The following TIMM50 variants were observed in gnomAD, a reference collection of about 807,000 sequenced individuals.
The protein encoded by TIMM50 is mitochondrial import inner membrane translocase subunit TIM50.
TIMM50 carries 34 observed loss-of-function variants against 49.6 expected under a neutral mutation model. The ratio of observed to expected loss-of-function variants is 0.69; its 90% CI spans 0.52 to 0.91. The LOEUF is 0.91. Among genes scored for constraint, TIMM50 ranks in the 40% least tolerant of loss-of-function variants. The pLI is 0.00. For synonymous variants in TIMM50, 199 were observed against 198.4 expected (o/e 1.00, Z -0.03); for missense variants, 458 against 477.8 (o/e 0.96, Z 0.39).
chr19:39,481,614 G>A (rs2079472462), intron 1 of TIMM50, among the ~76,000 whole-genome samples: 1 of 152,068 alleles, frequency 6.6e-6, no homozygotes, highest in South Asian at 2.1e-4. Context: ...TTGCTTTTCT[G>A]GGCTGCAGAC....
At chr19:39,488,709 C>T in intron 10 of TIMM50, 64 bp downstream of exon 10, 1 of 1,310,990 alleles carries the variant, frequency 7.6e-7, no homozygotes, top group Admixed American at 1.7e-5. Context: ...GAGCCTGGGG[C>T]AGTCCATCTC....
At chr19:39,481,034 G>A (rs1447839041) in intron 1 of TIMM50, 73 bp downstream of exon 1, 48 of 1,459,372 alleles carry the variant, frequency 3.3e-5, no homozygotes, top group Non-Finnish European at 4.3e-5. Context: ...GCCGCCCCTT[G>A]GGGGTTCCGG....
chr19:39,481,768 G>C, intron 1 of TIMM50, 115 bp from the exon 2 acceptor site: 2 of 1,349,348 alleles, frequency 1.5e-6, no homozygotes. Context: ...CAGATGTCCA[G>C]GGCTCTGTGG....
Position 39,489,713 on chromosome 19 carries a change from C to T in TIMM50, c.961-6C>T, listed in dbSNP as rs1304680253. The stretch of plus-strand genomic sequence containing the variant: ...ACCCTCTCCTCCAACTGTCCCCCTA[C>T]CCCAGGAGGAGCAGCAGCGCCTGGC... On this transcript the variant is annotated splice_polypyrimidine_tract_variant and splice_region_variant and intron_variant, in intron 10 of 10. Transcript: ENST00000607714. 2 of 1,602,236 alleles carry T rather than the reference C, an allele frequency of 1.2e-6. No homozygotes were observed. Among genetic ancestry groups the T allele is most frequent in the South Asian group, 1.1e-5 (1 of 88,618 alleles).
Position 39,486,503 on chromosome 19 carries a change from G to A in TIMM50, c.696+8G>A. The A allele has an allele frequency of 6.2e-7, 1 of 1,613,578 alleles. No individual in the cohort carries two copies. Among genetic ancestry groups the A allele is most frequent in the Non-Finnish European group, 8.5e-7 (1 of 1,179,546 alleles). ...GATGGACACCATGTAAAGGTGCCGT[G>A]GGTTCATGGGTGGGCCTCTGGGATT... On this transcript the variant is annotated splice_region_variant and intron_variant, in intron 8 of 10. Transcript: ENST00000607714.
chr19:39,486,243 G>C lies in TIMM50; in HGVS notation c.549G>C (p.Gln183His). 6.2e-7 allele frequency: 1 copy of C among 1,614,172 alleles called. No homozygotes were observed. Among genetic ancestry groups the C allele is most frequent in the Non-Finnish European group, 8.5e-7 (1 of 1,180,038 alleles). ...KRPGIETLFQ[Q>H]LAPLYEIVIF... ...CAGGCATCGAGACCTTGTTCCAGCA[G>C]CTTGCCCCTTTATATGAAATTGTCA... is the stretch of plus-strand genomic sequence containing the variant. Residue 183 changes from glutamine (Q) to histidine (H), a missense_variant, in exon 7 of 11, where the codon CAG becomes CAC. By Grantham distance (24) the Gln-to-His change is conservative. Transcript: ENST00000607714.
rs544790446 is a variant in TIMM50 at position 39,482,894 on chromosome 19, C to T, written c.269C>T (p.Pro90Leu). 70 of 1,613,930 alleles carry T rather than the reference C, an allele frequency of 4.3e-5. No homozygotes were observed. The highest frequency in any genetic ancestry group is 9.3e-5 in the African/African-American group (7 of 74,902). Reference sequence around the variant, plus strand: ...CTGGTCTCCCTTGCAGGAAACAACCCGGTGGACGAAAATGGTGCCAAGGTG... The same window carrying T: ...CTGGTCTCCCTTGCAGGAAACAACCTGGTGGACGAAAATGGTGCCAAGGTG... Reference protein sequence around the residue: ...VSVVYIFGNNPVDENGAKIPD... With the variant: ...VSVVYIFGNNLVDENGAKIPD... The change falls in exon 3 of 11, where the codon CCG (proline) becomes CTG (leucine). Residue 90 changes from proline (P) to leucine (L), a missense_variant. Physicochemically the swap from Pro to Leu is moderately conservative, Grantham distance 98 (BLOSUM62 -3). Transcript: ENST00000607714.
In TIMM50 at chr19:39,492,466, A is replaced by C. The variant is rs1273226503; in HGVS notation, c.*2646A>C. 1 of 152,202 alleles carries C rather than the reference A, an allele frequency of 6.6e-6. No homozygotes were observed. Among genetic ancestry groups the C allele is most frequent in the Non-Finnish European group, 1.5e-5 (1 of 68,102 alleles). The allele number at this position is 152,202 out of a possible 1,614,324, so 9.4% of individuals were successfully genotyped here. On this transcript the variant is annotated 3_prime_UTR_variant, in exon 11 of 11. Coordinates refer to ENST00000607714, the MANE Select transcript of TIMM50 (RefSeq NM_001001563.5). ...ATCTCTAAAATGGGGTGATGGTAGT[A>C]TGTTAGCAGAGTGGTTGTGAGGAGT...
chr19:39,487,009 C>T (rs1185684099), intron 8 of TIMM50, among the ~76,000 whole-genome samples: 3 of 152,008 alleles, frequency 2.0e-5, no homozygotes, highest in East Asian at 3.9e-4. Flanking sequence ...TTCCAAAATA[C>T]GTGGGCTGTG....
rs544975086 is a variant in TIMM50, at chr19:39,480,897, T to G, written c.44T>G (p.Leu15Arg). ...GTGTTCTCGCGCTTGCGAAGCGGGC[T>G]CCGGCTCGGCTCGCGGGGACTGTGC... Reference protein sequence around the residue: ...AAVFSRLRSGLRLGSRGLCTR... With the variant: ...AAVFSRLRSGRRLGSRGLCTR... Residue 15 changes from leucine to arginine, a missense_variant, in exon 1 of 11, where the codon CTC becomes CGC. Coordinates refer to ENST00000607714, the MANE Select transcript of TIMM50 (RefSeq NM_001001563.5). 6 of 1,598,110 alleles carry G rather than the reference T, an allele frequency of 3.8e-6. No individual in the cohort carries two copies. Among genetic ancestry groups the G allele is most frequent in the Middle Eastern group, 3.5e-4 (2 of 5,676 alleles).
chr19:39,489,827 G>A lies in TIMM50; in HGVS notation c.*7G>A. On this transcript the variant is annotated 3_prime_UTR_variant, in exon 11 of 11. Transcript: ENST00000607714. ...TCGCTCCAAACAGCCCTGAACTCTG[G>A]GCCTCCTCAAACTCAGTGCCTGGGT... is the stretch of plus-strand genomic sequence containing the variant. 6.3e-7 allele frequency: 1 copy of A among 1,598,298 alleles called. No individual in the cohort carries two copies. Among genetic ancestry groups the A allele is most frequent in the African/African-American group, 1.3e-5 (1 of 74,894 alleles).
rs747720981 is a variant in TIMM50, at chr19:39,482,024, T to C, written c.250T>C (p.Tyr84His). ...LGAGGTVSVV[Y>H]IFGNNPVDEN... ...AGCTGGTGGGACTGTGAGCGTCGTCTATATCTTTGGTGAGGGACATATCCC... is the reference window on the plus strand; with the variant it reads ...AGCTGGTGGGACTGTGAGCGTCGTCCATATCTTTGGTGAGGGACATATCCC... The change falls in exon 2 of 11, where the codon TAT becomes CAT. Residue 84 changes from tyrosine (Y) to histidine (H), a missense_variant. Physicochemically the swap from Tyr to His is moderately conservative, Grantham distance 83. Transcript: ENST00000607714. The C allele has an allele frequency of 4.3e-6, 7 of 1,613,862 alleles. No homozygotes were observed. Among genetic ancestry groups the C allele is most frequent in the Non-Finnish European group, 3.4e-6 (4 of 1,179,900 alleles).
chr19:39,482,700 C>T (rs925383379), intron 2 of TIMM50, among the ~76,000 whole-genome samples, 185 bp from the exon 3 acceptor site: 9 of 151,984 alleles, frequency 5.9e-5, no homozygotes, highest in Non-Finnish European at 1.3e-4. Flanking sequence ...AAAGACCTAG[C>T]CCCAGCCCCA....
At position 39,485,780 on chromosome 19, in the gene TIMM50, C is replaced by T. The variant is rs148175331; in HGVS notation, c.465C>T (p.Thr155=). Residue 155 remains threonine (T), a synonymous_variant, in exon 6 of 11, where the codon ACC becomes ACT. Transcript: ENST00000607714. ...QPPYTLVLEL[T]GVLLHPEWSL... ...CCTACACGCTCGTTTTGGAGCTCAC[C>T]GGCGTCCTCTTGCATCCTGAGTGGT... 329 of 1,614,136 alleles carry T rather than the reference C, an allele frequency of 2.0e-4. No individual in the cohort carries two copies. The highest frequency in any genetic ancestry group is 1.3e-4 in the Non-Finnish European group (149 of 1,180,034).
In TIMM50 at chr19:39,481,918, G is replaced by A. The variant is rs201627271; in HGVS notation, c.144G>A (p.Ala48=). ...TCGGGAGCCGCGGGAGCACTAAGGC[G>A]CAAGGGCCACAGCAGCAGCCGGGCT... ...AEIGSRGSTK[A]QGPQQQPGSE... The change falls in exon 2 of 11, where the codon GCG becomes GCA. Residue 48 remains alanine, a synonymous_variant. Coordinates refer to ENST00000607714, the MANE Select transcript of TIMM50 (RefSeq NM_001001563.5). 65 of 1,614,028 alleles carry A rather than the reference G, an allele frequency of 4.0e-5. No homozygotes were observed. The East Asian group carries it at 1.4e-3, about 34-fold the overall frequency.
rs1600736961 is a variant in TIMM50 at position 39,481,963 on chromosome 19, C to G, written c.189C>G (p.Ala63=). Residue 63 remains alanine, a synonymous_variant, in exon 2 of 11, where the codon GCC becomes GCG. Transcript: ENST00000607714. The stretch of plus-strand genomic sequence containing the variant: ...CGGGCTCAGAGGGTCCCAGCTATGC[C>G]AAAAAAGTTGCGCTCTGGCTTGCTG... ...QQPGSEGPSY[A]KKVALWLAGL... is the part of the protein sequence containing the mutation. 1 of 1,614,140 alleles carries G rather than the reference C, an allele frequency of 6.2e-7. No homozygotes were observed. Among genetic ancestry groups the G allele is most frequent in the South Asian group, 1.1e-5 (1 of 91,084 alleles).
rs767775096 is a variant in TIMM50, at chr19:39,482,050, T to C, written c.259+17T>C. 7.5e-6 allele frequency: 12 copies of C among 1,608,550 alleles called. No individual in the cohort carries two copies. Among genetic ancestry groups the C allele is most frequent in the Non-Finnish European group, 1.0e-5 (12 of 1,175,420 alleles). The stretch of plus-strand genomic sequence containing the variant: ...ATATCTTTGGTGAGGGACATATCCC[T>C]GTCCCCCAGTTTTGTTCCTTGGCCT... On this transcript the variant is annotated intron_variant, in intron 2 of 10. Transcript: ENST00000607714.
intron 2 of TIMM50, 98 bp from the exon 3 acceptor site, chr19:39,482,787 C>G: frequency 6.5e-7 from 1 of 1,537,892 alleles, no homozygotes; most frequent in Non-Finnish European, 9.0e-7. Flanking sequence ...CTCTCTCTTT[C>G]CTCAGATCCA....
chr19:39,488,666 A>C, intron 10 of TIMM50, 21 bp downstream of exon 10: 2 of 1,603,784 alleles, frequency 1.2e-6, no homozygotes, highest in Non-Finnish European at 8.5e-7. Context: ...AGATGCCCAG[A>C]GTGGAGGATC....
Sources: gnomAD v4.1 joint callset for allele counts (sites outside exome capture counted in the v4.1 genomes callset) on GRCh38, gnomAD v4.1.1 for gene constraint, MANE v1.5 for transcripts, NCBI Gene and HGNC (gene_info 2026-07-23, HGNC 2026-07-21) for gene names.